Variants in BEAN1 observed in about 807,000 individuals in gnomAD.
BEAN1 encodes the protein protein BEAN1.
In BEAN1, 17 loss-of-function variants were observed where a neutral mutation model predicts 17.7. That is an observed-to-expected ratio of 0.96 (90% CI 0.66 to 1.44). The LOEUF is 1.44. Among genes scored for constraint, BEAN1 ranks in the 40% most tolerant of loss-of-function variants. The pLI, the probability that BEAN1 is intolerant of heterozygous loss-of-function variation, is 0.00. For synonymous variants in BEAN1, 142 were observed against 151.8 expected (o/e 0.94, Z 0.47); for missense variants, 359 against 374.1 (o/e 0.96, Z 0.33).
intron 2 of BEAN1, among the ~76,000 whole-genome samples, chr16:66,447,853 A>G (rs935612600): frequency 6.6e-6 from 1 of 152,242 alleles, no homozygotes; most frequent in African/African-American, 2.4e-5. Flanking sequence ...CAGGTCACAC[A>G]GTATGTTAGT....
At chr16:66,462,198 T>C (rs938084855) in intron 2 of BEAN1, among the ~76,000 whole-genome samples, 1 of 152,204 alleles carries the variant, frequency 6.6e-6, no homozygotes, top group Admixed American at 6.5e-5. Flanking sequence ...ACTGACTCCA[T>C]TTGCCTACAA....
chr16:66,436,760 T>C (rs1962040503), intron 1 of BEAN1, among the ~76,000 whole-genome samples: 1 of 152,120 alleles, frequency 6.6e-6, no homozygotes, highest in African/African-American at 2.4e-5. Flanking sequence ...CTTTTTAAAA[T>C]GTTTTCTCCA....
chr16:66,455,578 A>G (rs1341361424), intron 2 of BEAN1, among the ~76,000 whole-genome samples: 1 of 152,174 alleles, frequency 6.6e-6, no homozygotes, highest in Non-Finnish European at 1.5e-5. Flanking sequence ...GAGAAAGAAA[A>G]GCTTTCCCTG....
chr16:66,493,966 G>C (rs1458051289), downstream of BEAN1, among the ~76,000 whole-genome samples: 1 of 152,184 alleles, frequency 6.6e-6, no homozygotes, highest in East Asian at 1.9e-4. Context: ...CGGCAGCCCA[G>C]AAAGTGGAGT....
chr16:66,457,901 C>A (rs1440154124), intron 2 of BEAN1, among the ~76,000 whole-genome samples: 1 of 151,868 alleles, frequency 6.6e-6, no homozygotes, highest in Non-Finnish European at 1.5e-5. Context: ...ATGGGATCAG[C>A]CAATGGTGAA....
At chr16:66,484,479 T>C, downstream of BEAN1, 1 of 417,312 alleles carries the variant, frequency 2.4e-6, no homozygotes. The surrounding 1 kb of genome is among the most constrained non-coding windows in gnomAD (Gnocchi z 4.2). Flanking sequence ...CCTTTGCACA[T>C]TCCTAAGGAG....
intron 2 of BEAN1, among the ~76,000 whole-genome samples, chr16:66,462,906 CAAAT>C (rs796952452): frequency 9.9e-5 from 15 of 151,936 alleles, no homozygotes; most frequent in South Asian, 8.3e-4. Flanking sequence ...AACAAGTAAA[CAAAT>C]AAATAAGCAG....
intron 1 of BEAN1, among the ~76,000 whole-genome samples, chr16:66,436,330 T>G (rs182190790): frequency 0.019 from 2,735 of 147,692 alleles, 41 homozygotes; most frequent in South Asian, 0.045. Flanking sequence ...TGCAGTGGCA[T>G]GATCTCGGCT....
At chr16:66,493,474 C>G (rs1227469013) in exon 5 of BEAN1, 2 of 604,174 alleles carry the variant, frequency 3.3e-6, no homozygotes, top group East Asian at 2.7e-5. Context: ...CATGCCTGGA[C>G]AGTGAGGAGG....
At chr16:66,428,198 T>C (rs1248452272) in intron 1 of BEAN1, 2 of 152,666 alleles carry the variant, frequency 1.3e-5, no homozygotes, top group African/African-American at 4.8e-5. Context: ...CGGCTGACTC[T>C]CGCTGCCCTT....
chr16:66,485,275 G>A (rs1597055910), downstream of BEAN1: 1 of 371,278 alleles, frequency 2.7e-6, no homozygotes, highest in Non-Finnish European at 5.4e-6. Flanking sequence ...TGGTTTCGTG[G>A]ACATTTGCTC....
At chr16:66,477,816 A>G (rs1318895003) in intron 4 of BEAN1, 106 bp downstream of exon 4, 5 of 1,297,110 alleles carry the variant, frequency 3.9e-6, no homozygotes, top group African/African-American at 1.5e-5. Flanking sequence ...TGTCGTATAA[A>G]TGCAGAAAAC....
In BEAN1 at chr16:66,473,957, C is replaced by A. The variant is rs1373918664; in HGVS notation, c.290-3603C>A. The stretch of plus-strand genomic sequence containing the variant: ...CCTCTCTCTACACCCACTCCCTGCT[C>A]CATCTCATACACCATCCATCATCCT... On this transcript the variant is annotated intron_variant, in intron 3 of 4. Transcript: ENST00000536005. This position sits in a 1 kb window ranked among gnomAD's most constrained non-coding sequence, Gnocchi z 4.5. Among the ~76,000 whole-genome samples the A allele has an allele frequency of 6.6e-6, 1 of 152,114 alleles. No individual in the cohort carries two copies. The highest frequency in any genetic ancestry group is 1.5e-5 in the Non-Finnish European group (1 of 68,020).
intron 4 of BEAN1, among the ~76,000 whole-genome samples, chr16:66,492,690 C>T (rs1964191613): frequency 6.6e-6 from 1 of 152,278 alleles, no homozygotes; most frequent in African/African-American, 2.4e-5. Flanking sequence ...ATCCGCCCTC[C>T]TTGGCCTCCC....
At chr16:66,433,985 C>T (rs34273949) in intron 1 of BEAN1, among the ~76,000 whole-genome samples, 15,664 of 152,256 alleles carry the variant, frequency 0.1, 982 homozygotes, top group Middle Eastern at 0.23. Flanking sequence ...GAGATATTCC[C>T]GGAGCGGGGA....
chr16:66,480,932 C>T lies in BEAN1; in HGVS notation c.*7C>T. On this transcript the variant is annotated 3_prime_UTR_variant, in exon 5 of 5. Transcript: ENST00000536005. ...CCCAGAGAGGATTGTGTGAGGGACC[C>T]AGCCAGCCGGGTCCTGCTGGTCCCT... 6.9e-7 allele frequency: 1 copy of T among 1,439,468 alleles called. No homozygotes were observed. The highest frequency in any genetic ancestry group is 9.2e-7 in the Non-Finnish European group (1 of 1,091,702). The allele number at this position is 1,439,468 out of a possible 1,614,324, so 89.2% of individuals were successfully genotyped here. A position where few individuals can be genotyped will look rare whatever the true frequency, so the allele number is the denominator to read the frequency against.
At chr16:66,493,181 G>A (rs993233050) in exon 5 of BEAN1, 1 of 703,022 alleles carries the variant, frequency 1.4e-6, no homozygotes, top group African/African-American at 1.7e-5. Flanking sequence ...ACGGATGCTT[G>A]AGCCGGGCAC....
chr16:66,457,565 C>A (rs1962919703), intron 2 of BEAN1, among the ~76,000 whole-genome samples: 1 of 152,158 alleles, frequency 6.6e-6, no homozygotes, highest in Non-Finnish European at 1.5e-5. Flanking sequence ...TGTTCAGCTG[C>A]CATCAAGGTG....
At chr16:66,480,499 T>C (rs1212732214) in intron 4 of BEAN1, 87 bp from the exon 5 acceptor site, 2 of 1,097,446 alleles carry the variant, frequency 1.8e-6, no homozygotes, top group East Asian at 5.4e-5. Context: ...CAGGACAGCT[T>C]GTCACTGCAG....
Sources: gnomAD v4.1 joint callset for allele counts (sites outside exome capture counted in the v4.1 genomes callset) on GRCh38, gnomAD v4.1.1 for gene constraint, Gnocchi (gnomAD v3.1) non-coding constraint, MANE v1.5 for transcripts, NCBI Gene and HGNC (gene_info 2026-07-23, HGNC 2026-07-21) for gene names.